The following FAS variants were observed in gnomAD, a reference collection of about 807,000 sequenced individuals.
The protein encoded by FAS is tumor necrosis factor receptor superfamily member 6.
A neutral mutation model predicts 33.2 loss-of-function variants in FAS; 5 were observed. That is an observed-to-expected ratio of 0.15 (90% CI 0.08 to 0.32). The LOEUF (loss-of-function observed/expected upper bound fraction) is 0.32, where lower values mean the gene tolerates loss of function less well. Among genes scored for constraint, FAS ranks in the 10% least tolerant of loss-of-function variants. FAS has a pLI of 1.00. For synonymous variants in FAS, 131 were observed against 130.7 expected (o/e 1.00, Z -0.01); for missense variants, 339 against 386.0 (o/e 0.88, Z 1.02).
At chr10:89,001,861 C>T (rs1400238904) in intron 1 of FAS, among the ~76,000 whole-genome samples, 1 of 152,202 alleles carries the variant, frequency 6.6e-6, no homozygotes, top group Admixed American at 6.5e-5. Flanking sequence ...CATTCCATTT[C>T]CTCACCCCTG....
intron 1 of FAS, among the ~76,000 whole-genome samples, chr10:88,995,423 C>G (rs1050190384): frequency 1.3e-5 from 2 of 152,202 alleles, no homozygotes; most frequent in East Asian, 3.8e-4. Flanking sequence ...AACTGTTGTA[C>G]AGCCCAGTCA....
At chr10:89,006,431 A>G (rs796428034) in intron 2 of FAS, among the ~76,000 whole-genome samples, 31 of 152,364 alleles carry the variant, frequency 2.0e-4, no homozygotes, top group African/African-American at 7.5e-4. Context: ...ATCAAAAAGA[A>G]TATATGAAGT....
intron 1 of FAS, among the ~76,000 whole-genome samples, chr10:88,992,100 T>C (rs1334029850): frequency 6.6e-6 from 1 of 152,114 alleles, no homozygotes; most frequent in East Asian, 1.9e-4. Context: ...AGCTAGTAAA[T>C]GGGAGATATG....
intron 1 of FAS, among the ~76,000 whole-genome samples, chr10:89,000,905 G>A (rs4244983): frequency 0.5 from 75,328 of 151,616 alleles, 19,348 homozygotes; most frequent in South Asian, 0.56. Context: ...AAAATTAGCC[G>A]TCATAGTGTG....
At position 89,010,788 on chromosome 10, in the gene FAS, C is replaced by T; in HGVS notation, c.541C>T (p.Leu181Phe). 6.2e-7 allele frequency: 1 copy of T among 1,614,062 alleles called. No individual in the cohort carries two copies. Among genetic ancestry groups the T allele is most frequent in the East Asian group, 2.2e-5 (1 of 44,876 alleles). ...TAACTTGGGGTGGCTTTGTCTTCTT[C>T]TTTTGCCAATTCCACTAATTGTTTG... ...RSNLGWLCLL[L>F]LPIPLIVWVK... The change falls in exon 6 of 9, where the codon CTT becomes TTT. Residue 181 changes from leucine (L) to phenylalanine (F), a missense_variant. Leu to Phe is a conservative substitution (Grantham distance 22). This residue lies in a region of FAS where 276 missense variants were observed against 300.1 expected (regional missense o/e 0.92). Transcript: ENST00000652046.
intron 7 of FAS, 159 bp downstream of exon 7, chr10:89,012,240 C>A: frequency 1.6e-6 from 1 of 629,370 alleles, no homozygotes; most frequent in Non-Finnish European, 2.8e-6. Context: ...TGCAGGGGTG[C>A]AATCATGGCT....
intron 2 of FAS, among the ~76,000 whole-genome samples, chr10:88,976,079 T>C (rs1233759397): frequency 2.0e-5 from 3 of 152,212 alleles, no homozygotes; most frequent in Non-Finnish European, 2.9e-5. Context: ...CAATTAGTTA[T>C]AGTGATAATA....
chr10:88,992,257 T>G (rs1045114321), intron 1 of FAS: 1 of 152,218 alleles, frequency 6.6e-6, no homozygotes, highest in Non-Finnish European at 1.5e-5. Context: ...GTGCACTATT[T>G]GGGATTCTTT....
chr10:89,001,463 A>G (rs1345506503), intron 1 of FAS, among the ~76,000 whole-genome samples: 1 of 151,576 alleles, frequency 6.6e-6, no homozygotes, highest in Admixed American at 6.6e-5. Context: ...ATGGGGGTCT[A>G]TATTTCTTCC....
At chr10:88,967,255 G>A (rs1474667883) in intron 1 of FAS, among the ~76,000 whole-genome samples, 1 of 152,264 alleles carries the variant, frequency 6.6e-6, no homozygotes, top group East Asian at 1.9e-4. Context: ...GTTGGAACAG[G>A]ACAAGACTCT....
At chr10:88,990,587 T>C (rs1589438710), upstream of FAS, 1 of 669,016 alleles carries the variant, frequency 1.5e-6, no homozygotes, top group Non-Finnish European at 2.7e-6. The surrounding 1 kb of genome is among the most constrained non-coding windows in gnomAD (Gnocchi z 4.9). Flanking sequence ...AACCCGGGCG[T>C]TCCCCAGCGA....
At chr10:88,980,047 TA>T (rs1846672283) in intron 2 of FAS, among the ~76,000 whole-genome samples, 1 of 152,260 alleles carries the variant, frequency 6.6e-6, no homozygotes, top group Admixed American at 6.5e-5. Context: ...AGCCGAAAGA[TA>T]AAGTGGACTT....
intron 8 of FAS, among the ~76,000 whole-genome samples, chr10:89,013,581 A>T (rs1848638164): frequency 6.6e-6 from 1 of 152,218 alleles, no homozygotes; most frequent in South Asian, 2.1e-4. Flanking sequence ...TAACAATAAG[A>T]CACAATAGTC....
chr10:89,002,678 G>A (rs953161985), intron 1 of FAS: 5 of 330,048 alleles, frequency 1.5e-5, no homozygotes, highest in Non-Finnish European at 2.4e-5. Flanking sequence ...CAACAAGCCT[G>A]TGAGGAAGAG....
At chr10:88,980,915 G>A (rs1051951059) in intron 2 of FAS, among the ~76,000 whole-genome samples, 1 of 152,204 alleles carries the variant, frequency 6.6e-6, no homozygotes, top group African/African-American at 2.4e-5. Flanking sequence ...TGCTGAGAAA[G>A]TTCTAAATTT....
upstream of FAS, chr10:88,989,562 A>G (rs772356925): frequency 1.8e-6 from 1 of 542,072 alleles, no homozygotes; most frequent in South Asian, 1.4e-5. Context: ...AAGCCTATCA[A>G]CACCTACAAG....
intron 2 of FAS, among the ~76,000 whole-genome samples, chr10:88,981,513 G>A (rs1370497312): frequency 1.3e-5 from 2 of 152,076 alleles, no homozygotes; most frequent in African/African-American, 4.8e-5. Flanking sequence ...AGTATCCGTG[G>A]AAAGGAAGGC....
intron 2 of FAS, chr10:88,973,403 T>A (rs1216119749): frequency 3.0e-6 from 4 of 1,335,096 alleles, no homozygotes; most frequent in South Asian, 1.9e-5. Context: ...GAGTTCCCGA[T>A]GAAAACAACT....
chr10:88,978,651 C>T (rs149023888), intron 2 of FAS, among the ~76,000 whole-genome samples: 1 of 152,218 alleles, frequency 6.6e-6, no homozygotes, highest in Non-Finnish European at 1.5e-5. Context: ...TAGTCATGAG[C>T]CAGGCTCAGT....
Sources: allele counts gnomAD v4.1 joint callset (sites outside exome capture counted in the v4.1 genomes callset), GRCh38; gene constraint gnomAD v4.1.1; regional missense constraint gnomAD v4.1.1; non-coding constraint Gnocchi (gnomAD v3.1); transcripts MANE v1.5; gene names NCBI Gene and HGNC (gene_info 2026-07-23, HGNC 2026-07-21).